SPSB4: variants seen among roughly 807,000 people sequenced by gnomAD.
The protein encoded by SPSB4 is splA/ryanodine receptor domain and SOCS box containing 4.
Under a neutral mutation model 20.9 loss-of-function variants are expected in SPSB4, and 21 were observed. That is an observed-to-expected ratio of 1.01 (90% CI 0.71 to 1.45). The LOEUF is 1.45. Among genes scored for constraint, SPSB4 ranks in the 40% most tolerant of loss-of-function variants. SPSB4 has a pLI of 0.00. For synonymous variants in SPSB4, 207 were observed against 183.8 expected (o/e 1.13, Z -1.02); for missense variants, 399 against 399.2 (o/e 1.00, Z 0.00).
chr3:141,108,265 C>A (rs565151424), intron 2 of SPSB4, among the ~76,000 whole-genome samples: 1 of 152,270 alleles, frequency 6.6e-6, no homozygotes, highest in East Asian at 1.9e-4. Context: ...GCCCCGATGA[C>A]ACCTTTGCTA....
chr3:141,095,311 G>A (rs147296634), intron 2 of SPSB4, among the ~76,000 whole-genome samples: 433 of 152,260 alleles, frequency 2.8e-3, no homozygotes, highest in African/African-American at 9.9e-3. Flanking sequence ...GAGACTATAA[G>A]CTCCTCAACA....
intron 2 of SPSB4, among the ~76,000 whole-genome samples, chr3:141,073,236 C>T (rs1239334489): frequency 6.6e-6 from 1 of 152,186 alleles, no homozygotes; most frequent in Non-Finnish European, 1.5e-5. Flanking sequence ...AAGCACTGCC[C>T]AGCATGAGGC....
intron 2 of SPSB4, among the ~76,000 whole-genome samples, chr3:141,129,581 T>C (rs1053061835): frequency 2.0e-5 from 3 of 152,230 alleles, no homozygotes; most frequent in African/African-American, 7.2e-5. Context: ...ATCCTGTCCC[T>C]CATGCACACG....
intron 1 of SPSB4, among the ~76,000 whole-genome samples, chr3:141,055,916 G>A (rs1937629878): frequency 1.3e-5 from 2 of 152,242 alleles, no homozygotes; most frequent in African/African-American, 4.8e-5. Context: ...TAGTAGGTAG[G>A]TCTTGTGCTG....
intron 1 of SPSB4, among the ~76,000 whole-genome samples, chr3:141,061,625 TTAA>T (rs1192079095): frequency 4.6e-5 from 7 of 151,576 alleles, no homozygotes; most frequent in African/African-American, 1.7e-4. Context: ...ATAATTAATA[TTAA>T]TAATTGTTAT....
At chr3:141,144,937 G>T (rs1205786948) in intron 2 of SPSB4, among the ~76,000 whole-genome samples, 1 of 152,156 alleles carries the variant, frequency 6.6e-6, no homozygotes, top group African/African-American at 2.4e-5. Flanking sequence ...GCCAGATGGG[G>T]GACAGGGAGT....
At chr3:141,098,503 T>C (rs923581142) in intron 2 of SPSB4, among the ~76,000 whole-genome samples, 3 of 152,188 alleles carry the variant, frequency 2.0e-5, no homozygotes, top group Non-Finnish European at 4.4e-5. Flanking sequence ...TTGTCACGTT[T>C]ATCCCTAAGT....
chr3:141,101,797 C>T (rs865979589), intron 2 of SPSB4, among the ~76,000 whole-genome samples: 2 of 152,330 alleles, frequency 1.3e-5, no homozygotes, highest in Middle Eastern at 3.4e-3. Context: ...GCACCGATAA[C>T]GTGTTGCACA....
rs534600045 is a variant in SPSB4 at position 141,074,474 on chromosome 3, G to A, written c.694+7676G>A. Reference sequence around the variant, plus strand: ...ACTGTGAAACTGAAGGATTTCACACGAGGGAATCTGTGGTGGTTTGGATGG... The same window carrying A: ...ACTGTGAAACTGAAGGATTTCACACAAGGGAATCTGTGGTGGTTTGGATGG... On this transcript the variant is annotated intron_variant, in intron 2 of 2. Transcript: ENST00000310546. Among the ~76,000 whole-genome samples the A allele has an allele frequency of 1.1e-4, 17 of 152,244 alleles. No individual in the cohort carries two copies. In the South Asian group the frequency reaches 3.5e-3, roughly 32 times the overall value.
chr3:141,094,766 G>A (rs1056878781), intron 2 of SPSB4, among the ~76,000 whole-genome samples: 4 of 61,330 alleles, frequency 6.5e-5, no homozygotes, highest in Admixed American at 3.4e-4. Flanking sequence ...TGCCCTGCCC[G>A]CCCCCCGCCC....
At chr3:141,079,085 C>T (rs1332295281) in intron 2 of SPSB4, among the ~76,000 whole-genome samples, 7 of 152,130 alleles carry the variant, frequency 4.6e-5, no homozygotes, top group African/African-American at 1.7e-4. Context: ...CATGGTGAAA[C>T]CCCGTCTCTA....
chr3:141,120,731 G>A (rs1054295781), intron 2 of SPSB4, among the ~76,000 whole-genome samples: 12 of 151,918 alleles, frequency 7.9e-5, no homozygotes, highest in East Asian at 3.9e-4. Context: ...CTAGGATTGC[G>A]ACCCCTGCCT....
At chr3:141,058,251 T>C (rs1937694721) in intron 1 of SPSB4, among the ~76,000 whole-genome samples, 2 of 152,242 alleles carry the variant, frequency 1.3e-5, no homozygotes, top group Non-Finnish European at 1.5e-5. Flanking sequence ...CCTTAAACAG[T>C]GTGGCATTGC....
In SPSB4 at chr3:141,066,166, C is replaced by G; in HGVS notation, c.62C>G (p.Pro21Arg). The G allele has an allele frequency of 6.5e-7, 1 of 1,532,092 alleles. No individual in the cohort carries two copies. The highest frequency in any genetic ancestry group is 2.5e-5 in the East Asian group (1 of 39,230). 94.9% of individuals were successfully genotyped at this position (1,532,092 alleles called of 1,614,324 possible). A position where few individuals can be genotyped will look rare whatever the true frequency, so the allele number is the denominator to read the frequency against. ...SVEVREPALR[P>R]AKRELRGAEP... ...GAGGTGCGAGAGCCGGCGCTGCGGC[C>G]GGCCAAGCGGGAGCTGCGGGGTGCA... The change falls in exon 2 of 3, where the codon CCG (proline) becomes CGG (arginine). Residue 21 changes from proline (P) to arginine (R), a missense_variant. Coordinates refer to ENST00000310546, the MANE Select transcript of SPSB4 (RefSeq NM_080862.3).
Position 141,051,380 on chromosome 3 carries a change from CG to C in SPSB4, c.-763del. 6.5e-6 allele frequency: 1 copy of C among 154,956 alleles called. No homozygotes were observed. The highest frequency in any genetic ancestry group is 1.4e-5 in the Non-Finnish European group (1 of 69,878). The allele number at this position is 154,956 out of a possible 1,614,324, so 9.6% of individuals were successfully genotyped here. On this transcript the variant is annotated 5_prime_UTR_variant, in exon 1 of 3. Coordinates refer to ENST00000310546, the MANE Select transcript of SPSB4 (RefSeq NM_080862.3). ...TTTCAGCTGCAGCCTCCGGGCCGGCCGGGAAGGCGGGGAGCGGGCGGCGGCG... is the reference window on the plus strand; with the variant it reads ...TTTCAGCTGCAGCCTCCGGGCCGGCCGGAAGGCGGGGAGCGGGCGGCGGCG...
rs145050965 is a variant in SPSB4, at chr3:141,068,963, A to G, written c.694+2165A>G. ...TGTGGGTCCTTCAGGTGGTTGAACA[A>G]GTTTGGTGGAACTAAAATGTGAAGT... On this transcript the variant is annotated intron_variant, in intron 2 of 2. Transcript: ENST00000310546. Among the ~76,000 whole-genome samples the G allele has an allele frequency of 5.6e-3, 853 of 152,232 alleles. 12 individuals carry two copies. Among genetic ancestry groups the G allele is most frequent in the Non-Finnish European group, 6.0e-3 (405 of 68,014 alleles).
intron 1 of SPSB4, among the ~76,000 whole-genome samples, chr3:141,058,541 C>T (rs922927043): frequency 6.6e-6 from 1 of 152,080 alleles, no homozygotes; most frequent in Non-Finnish European, 1.5e-5. Flanking sequence ...GAAGATGGAT[C>T]CTGTTGTATG....
At chr3:141,076,292 G>A (rs931236085) in intron 2 of SPSB4, among the ~76,000 whole-genome samples, 44 of 152,152 alleles carry the variant, frequency 2.9e-4, no homozygotes, top group Admixed American at 2.6e-4. Flanking sequence ...TCCTTTTCAC[G>A]TCCGGCCCCA....
At chr3:141,084,488 C>G (rs1303698075) in intron 2 of SPSB4, among the ~76,000 whole-genome samples, 3 of 152,238 alleles carry the variant, frequency 2.0e-5, no homozygotes, top group Non-Finnish European at 4.4e-5. Flanking sequence ...CCCCCCTCCC[C>G]CTGCCTGCCC....
Sources: gnomAD v4.1 joint callset for allele counts (sites outside exome capture counted in the v4.1 genomes callset) on GRCh38, gnomAD v4.1.1 for gene constraint, MANE v1.5 for transcripts, NCBI Gene and HGNC (gene_info 2026-07-23, HGNC 2026-07-21) for gene names.